The following EYA1 variants were observed in gnomAD, a reference collection of about 807,000 sequenced individuals.
EYA1 encodes the protein protein phosphatase EYA1.
EYA1 carries 16 observed loss-of-function variants against 82.0 expected under a neutral mutation model. The ratio of observed to expected loss-of-function variants is 0.20; its 90% CI spans 0.13 to 0.30. EYA1 has a LOEUF of 0.30. Ranked by LOEUF, EYA1 falls within the 10% of genes least tolerant of loss-of-function variation. The pLI is 1.00. For synonymous variants in EYA1, 261 were observed against 264.4 expected, an observed-to-expected ratio of 0.99 and a Z score of 0.12; for missense variants, 633 against 730.7, an observed-to-expected ratio of 0.87 and a Z score of 1.54.
At chr8:71,434,193 A>T (rs1393703114) in intron 2 of EYA1, among the ~76,000 whole-genome samples, 1 of 152,238 alleles carries the variant, frequency 6.6e-6, no homozygotes, top group East Asian at 1.9e-4. Flanking sequence ...CCTACCCTCG[A>T]TGAGACTAAT....
At chr8:71,367,718 A>G (rs1337472003) in intron 2 of EYA1, among the ~76,000 whole-genome samples, 1 of 152,204 alleles carries the variant, frequency 6.6e-6, no homozygotes, top group Non-Finnish European at 1.5e-5. Flanking sequence ...GTCAATAGGT[A>G]TACAACCTGG....
intron 3 of EYA1, among the ~76,000 whole-genome samples, chr8:71,339,228 C>T (rs1378763800): frequency 6.6e-6 from 1 of 152,130 alleles, no homozygotes; most frequent in Non-Finnish European, 1.5e-5. Flanking sequence ...AGCCTGAAAC[C>T]CAGAGCCAGC....
intron 2 of EYA1, among the ~76,000 whole-genome samples, chr8:71,405,897 G>C (rs1315822998): frequency 6.6e-6 from 1 of 151,862 alleles, no homozygotes; most frequent in Non-Finnish European, 1.5e-5. Context: ...AATTGCATTC[G>C]CCTCTCAAAT....
intron 12 of EYA1, among the ~76,000 whole-genome samples, chr8:71,230,244 CTG>C (rs1811036681): frequency 6.6e-6 from 1 of 152,104 alleles, no homozygotes. Context: ...ATGAAGGTAA[CTG>C]AGGAAAATCT....
At chr8:71,512,061 T>C (rs1812638453) in intron 2 of EYA1, among the ~76,000 whole-genome samples, 1 of 152,182 alleles carries the variant, frequency 6.6e-6, no homozygotes, top group African/African-American at 2.4e-5. Flanking sequence ...TCAAATGATA[T>C]GTATATGTCA....
rs1014848348 is a variant in EYA1, at chr8:71,360,500, C to T, written c.-55+1147G>A. ...AAACTGAACAGTGGCTCAATTAGGCCTCTATGTCTGTCACCGCAAAGAATG... is the reference window on the plus strand; with the variant it reads ...AAACTGAACAGTGGCTCAATTAGGCTTCTATGTCTGTCACCGCAAAGAATG... On this transcript the variant is annotated intron_variant, in intron 1 of 17. Transcript: ENST00000340726. 3.3e-5 allele frequency among the ~76,000 whole-genome samples: 5 copies of T among 152,296 alleles called. 1 individual carries two copies. The highest frequency in any genetic ancestry group is 3.9e-4 in the East Asian group (2 of 5,188).
chr8:71,327,837 C>T (rs970044016), intron 4 of EYA1, among the ~76,000 whole-genome samples: 6 of 143,062 alleles, frequency 4.2e-5, no homozygotes, highest in South Asian at 2.3e-4. Context: ...ATAGTTAGGG[C>T]GGGAATCTTT....
At chr8:71,239,160 ATT>A (rs1225542569) in intron 12 of EYA1, among the ~76,000 whole-genome samples, 1 of 152,174 alleles carries the variant, frequency 6.6e-6, no homozygotes, top group Non-Finnish European at 1.5e-5. Context: ...AAATATGGGC[ATT>A]GTTTCTTTTT....
At chr8:71,505,122 C>T (rs757290192) in intron 2 of EYA1, among the ~76,000 whole-genome samples, 12 of 152,274 alleles carry the variant, frequency 7.9e-5, no homozygotes, top group Non-Finnish European at 1.3e-4. Flanking sequence ...AGTAATTCTG[C>T]CACAAGTGGA....
intron 2 of EYA1, among the ~76,000 whole-genome samples, chr8:71,513,720 T>C (rs1225589898): frequency 6.6e-6 from 1 of 152,122 alleles, no homozygotes; most frequent in Non-Finnish European, 1.5e-5. Context: ...AAATTTTTTC[T>C]GTACCCCTTA....
chr8:71,525,749 T>C (rs1386926688), intron 2 of EYA1, among the ~76,000 whole-genome samples: 2 of 152,186 alleles, frequency 1.3e-5, no homozygotes, highest in African/African-American at 2.4e-5. Flanking sequence ...CAAAAAAACC[T>C]CTGAGCTTGA....
chr8:71,497,049 A>G (rs891822774), intron 2 of EYA1, among the ~76,000 whole-genome samples: 13 of 152,232 alleles, frequency 8.5e-5, no homozygotes, highest in African/African-American at 3.1e-4. Context: ...GGAAACAATC[A>G]ACAGAATGAA....
chr8:71,312,498 G>C (rs1243672034), intron 7 of EYA1, among the ~76,000 whole-genome samples: 1 of 152,196 alleles, frequency 6.6e-6, no homozygotes, highest in African/African-American at 2.4e-5. Flanking sequence ...CCAGGCGGGA[G>C]TGCAGTGGCA....
chr8:71,400,516 C>T (rs1317945432), intron 2 of EYA1, among the ~76,000 whole-genome samples: 1 of 148,738 alleles, frequency 6.7e-6, no homozygotes, highest in African/African-American at 2.5e-5. Context: ...AACATTTATG[C>T]AGCCAACAGA....
rs1244149368 is a variant in EYA1 at position 71,199,095 on chromosome 8, G to A, written c.*245C>T. On this transcript the variant is annotated 3_prime_UTR_variant, in exon 18 of 18. Coordinates refer to ENST00000340726, the MANE Select transcript of EYA1 (RefSeq NM_000503.6). Reference sequence around the variant, plus strand: ...GTAGTTAATGTGGCAGACACATAACGCTGTGCTAAAACATTCTCATGGCTT... The same window carrying A: ...GTAGTTAATGTGGCAGACACATAACACTGTGCTAAAACATTCTCATGGCTT... 6 of 566,914 alleles carry A rather than the reference G, an allele frequency of 1.1e-5. No individual in the cohort carries two copies. The highest frequency in any genetic ancestry group is 3.2e-5 in the East Asian group (1 of 31,080). 35.1% of individuals were successfully genotyped at this position (566,914 alleles called of 1,614,324 possible).
At chr8:71,500,218 C>T (rs552772536) in intron 2 of EYA1, among the ~76,000 whole-genome samples, 3 of 152,236 alleles carry the variant, frequency 2.0e-5, no homozygotes, top group African/African-American at 7.2e-5. Context: ...ATTCACCACA[C>T]CCATCTTGAA....
intron 2 of EYA1, among the ~76,000 whole-genome samples, chr8:71,491,541 A>G (rs1810998066): frequency 6.6e-6 from 1 of 152,228 alleles, no homozygotes; most frequent in South Asian, 2.1e-4. Flanking sequence ...GTCCTAATCC[A>G]ATATGCCTGA....
intron 2 of EYA1, among the ~76,000 whole-genome samples, chr8:71,492,708 A>G (rs1456374926): frequency 1.3e-5 from 2 of 151,712 alleles, no homozygotes; most frequent in South Asian, 2.1e-4. Flanking sequence ...CTCGTGATCC[A>G]CCCTCCTCGA....
At chr8:71,292,303 A>G (rs1586211447) in intron 9 of EYA1, among the ~76,000 whole-genome samples, 2 of 151,998 alleles carry the variant, frequency 1.3e-5, no homozygotes, top group Non-Finnish European at 2.9e-5. Flanking sequence ...CTTCAAATTT[A>G]TTTTTCCCTT....
Sources: gnomAD v4.1 joint callset for allele counts (sites outside exome capture counted in the v4.1 genomes callset) on GRCh38, gnomAD v4.1.1 for gene constraint, MANE v1.5 for transcripts, NCBI Gene and HGNC (gene_info 2026-07-23, HGNC 2026-07-21) for gene names.